Variants in TEX9 observed in about 807,000 individuals in gnomAD.
The protein encoded by TEX9 is testis-expressed protein 9.
Under a neutral mutation model 59.6 loss-of-function variants are expected in TEX9, and 74 were observed. The ratio of observed to expected loss-of-function variants is 1.24; its 90% confidence interval spans 1.03 to 1.51. TEX9 has a LOEUF of 1.51. Among genes scored for constraint, TEX9 ranks in the 40% most tolerant of loss-of-function variants. TEX9 has a pLI of 0.00. For missense variants in TEX9, 522 were observed against 447.8 expected, an observed-to-expected ratio of 1.17 and a Z score of -1.49; for synonymous variants, 186 against 152.2, an observed-to-expected ratio of 1.22 and a Z score of -1.64.
chr15:56,261,548 T>A (rs574908827), intron 1 of TEX9, among the ~76,000 whole-genome samples: 8 of 151,894 alleles, frequency 5.3e-5, no homozygotes, highest in Non-Finnish European at 8.8e-5. Context: ...CGAAACCTCA[T>A]CTCTACTAAA....
chr15:56,335,883 A>G (rs543617559), intron 1 of TEX9, among the ~76,000 whole-genome samples: 3 of 151,578 alleles, frequency 2.0e-5, no homozygotes, highest in South Asian at 2.1e-4. Flanking sequence ...TATGACTTAT[A>G]TAAGTTTAAA....
chr15:56,299,438 C>A (rs906043852), intron 1 of TEX9, among the ~76,000 whole-genome samples: 3 of 152,156 alleles, frequency 2.0e-5, no homozygotes, highest in Non-Finnish European at 4.4e-5. Context: ...CCCTAAATAA[C>A]CTTGAAAAGC....
intron 1 of TEX9, among the ~76,000 whole-genome samples, chr15:56,275,565 A>G (rs2044647717): frequency 6.6e-6 from 1 of 152,146 alleles, no homozygotes; most frequent in Non-Finnish European, 1.5e-5. Flanking sequence ...GGCTGAATTA[A>G]TCTTATATAC....
chr15:56,358,405 C>T (rs1596114018), intron 1 of TEX9, among the ~76,000 whole-genome samples: 1 of 148,326 alleles, frequency 6.7e-6, no homozygotes, highest in African/African-American at 2.5e-5. Flanking sequence ...ATCTAGCTCA[C>T]AATTTTGTTG....
At chr15:56,352,307 C>T (rs1037478930) in intron 1 of TEX9, among the ~76,000 whole-genome samples, 4 of 152,010 alleles carry the variant, frequency 2.6e-5, no homozygotes, top group Admixed American at 6.6e-5. Context: ...TGCAATGGCG[C>T]GATCTTAACT....
chr15:56,281,343 G>T (rs1200559003), intron 1 of TEX9, among the ~76,000 whole-genome samples: 1 of 152,226 alleles, frequency 6.6e-6, no homozygotes, highest in Non-Finnish European at 1.5e-5. Flanking sequence ...GTTAGGAACT[G>T]GGCTGCACAG....
At chr15:56,360,909 G>A (rs2725867), upstream of TEX9, among the ~76,000 whole-genome samples, 1,708 of 152,174 alleles carry the variant, frequency 0.011, 27 homozygotes, top group African/African-American at 0.039. Flanking sequence ...CTTTTCCTGT[G>A]GAAACTCCAA....
intron 12 of TEX9, chr15:56,443,498 C>T: frequency 2.5e-6 from 4 of 1,601,302 alleles, no homozygotes; most frequent in Non-Finnish European, 3.4e-6. Flanking sequence ...TGTTCCAAAT[C>T]TTCACGTTGC....
At chr15:56,246,888 A>G (rs2043870684) in intron 1 of TEX9, among the ~76,000 whole-genome samples, 1 of 148,920 alleles carries the variant, frequency 6.7e-6, no homozygotes, top group Admixed American at 6.8e-5. Flanking sequence ...AATGAAAATA[A>G]TGATGTACAT....
chr15:56,275,025 G>T (rs1403367492), intron 1 of TEX9, among the ~76,000 whole-genome samples: 1 of 152,172 alleles, frequency 6.6e-6, no homozygotes, highest in Non-Finnish European at 1.5e-5. Context: ...TTTTCCTGCT[G>T]ATGAGGCCAG....
At chr15:56,428,010 A>C (rs1229755806) in intron 11 of TEX9, among the ~76,000 whole-genome samples, 1 of 152,116 alleles carries the variant, frequency 6.6e-6, no homozygotes, top group Non-Finnish European at 1.5e-5. Flanking sequence ...GAAAGTACCA[A>C]ATTAAAGAAT....
intron 1 of TEX9, among the ~76,000 whole-genome samples, chr15:56,315,677 C>G (rs1482087327): frequency 2.8e-5 from 4 of 143,290 alleles, no homozygotes; most frequent in African/African-American, 5.0e-5. Flanking sequence ...CTCTGTATTT[C>G]CTGAATCTGA....
chr15:56,343,704 G>T (rs2046414843), intron 1 of TEX9, among the ~76,000 whole-genome samples: 2 of 152,150 alleles, frequency 1.3e-5, no homozygotes, highest in Middle Eastern at 3.4e-3. Flanking sequence ...AACCCACAGA[G>T]TCAGAGAAAA....
intron 12 of TEX9, chr15:56,429,238 T>G: frequency 8.1e-7 from 1 of 1,241,518 alleles, no homozygotes; most frequent in Non-Finnish European, 1.2e-6. Context: ...TACCAGAATA[T>G]TTCACTAAAT....
intron 9 of TEX9, among the ~76,000 whole-genome samples, chr15:56,398,981 A>G (rs1457039882): frequency 6.6e-6 from 1 of 152,102 alleles, no homozygotes; most frequent in East Asian, 1.9e-4. Context: ...AAAATACAAA[A>G]CAGTGCCCTT....
chr15:56,282,038 T>TA (rs764161131), intron 1 of TEX9, among the ~76,000 whole-genome samples: 15 of 151,734 alleles, frequency 9.9e-5, no homozygotes, highest in Non-Finnish European at 1.5e-4. Flanking sequence ...TTCTTTCAAA[T>TA]AAAAAAAAGA....
chr15:56,448,308 T>C (rs1357925711), downstream of TEX9, among the ~76,000 whole-genome samples: 1 of 152,228 alleles, frequency 6.6e-6, no homozygotes, highest in African/African-American at 2.4e-5. Context: ...GGGAATATTG[T>C]GTGATACTGA....
intron 12 of TEX9, chr15:56,428,910 G>C (rs904778834): frequency 6.7e-5 from 35 of 525,010 alleles, no homozygotes; most frequent in Admixed American, 5.8e-4. Context: ...GAAATTATCA[G>C]TACAAAAATA....
chr15:56,433,723 G>GT (rs1443956303), intron 12 of TEX9, among the ~76,000 whole-genome samples: 6 of 152,102 alleles, frequency 3.9e-5, no homozygotes, highest in African/African-American at 1.4e-4. Flanking sequence ...TCAATCTTCA[G>GT]TGGCTTCCCT....
Sources: gnomAD v4.1 joint callset for allele counts (sites outside exome capture counted in the v4.1 genomes callset) on GRCh38, gnomAD v4.1.1 for gene constraint, MANE v1.5 for transcripts, NCBI Gene and HGNC (gene_info 2026-07-23, HGNC 2026-07-21) for gene names.